CADPS2: variants seen among roughly 807,000 people sequenced by gnomAD.
The protein encoded by CADPS2 is calcium-dependent secretion activator 2.
In CADPS2, 93 loss-of-function variants were observed where a neutral mutation model predicts 172.5. The observed-to-expected ratio is 0.54, with a 90% confidence interval of 0.46 to 0.64. The LOEUF is 0.64. Among genes scored for constraint, CADPS2 ranks in the 30% least tolerant of loss-of-function variants. The pLI is 0.00. For missense variants in CADPS2, 1,420 were observed against 1,565.9 expected (o/e 0.91, Z 1.57); for synonymous variants, 546 against 555.2 (o/e 0.98, Z 0.23).
chr7:122,458,556 T>C (rs1232474822), intron 14 of CADPS2, among the ~76,000 whole-genome samples: 3 of 152,206 alleles, frequency 2.0e-5, no homozygotes, highest in African/African-American at 7.2e-5. Context: ...TGAAATATGT[T>C]CTTATCTTTT....
At chr7:122,789,921 C>T (rs896486990) in intron 1 of CADPS2, among the ~76,000 whole-genome samples, 1 of 151,926 alleles carries the variant, frequency 6.6e-6, no homozygotes, top group African/African-American at 2.4e-5. Flanking sequence ...TAAAAATACC[C>T]CTCATCCATT....
At chr7:122,833,996 T>A (rs1165865780) in intron 1 of CADPS2, among the ~76,000 whole-genome samples, 2 of 152,174 alleles carry the variant, frequency 1.3e-5, no homozygotes, top group East Asian at 3.9e-4. Flanking sequence ...TTGAGCTGGT[T>A]CTTAAGCAAG....
intron 1 of CADPS2, among the ~76,000 whole-genome samples, chr7:122,758,155 T>C (rs775525231): frequency 6.6e-6 from 1 of 152,352 alleles, no homozygotes. Context: ...GTTATTAATA[T>C]ACATGTATTA....
chr7:122,328,641 TTTC>T (rs1337853578), intron 28 of CADPS2: 3 of 152,278 alleles, frequency 2.0e-5, no homozygotes, highest in Admixed American at 6.5e-5. Context: ...AATATGTTTT[TTTC>T]TTCTTTTTGT....
chr7:122,681,800 A>C, intron 2 of CADPS2: 1 of 480,068 alleles, frequency 2.1e-6, no homozygotes, highest in Non-Finnish European at 3.5e-6. Context: ...TAAAAATAAA[A>C]CCCTTAGACC....
Position 122,750,607 on chromosome 7 carries a change from A to G in CADPS2, c.340-13539T>C, listed in dbSNP as rs1226260768. 2.6e-5 allele frequency among the ~76,000 whole-genome samples: 4 copies of G among 152,180 alleles called. No individual in the cohort carries two copies. In the East Asian group the frequency reaches 5.8e-4, roughly 22 times the overall value. On this transcript the variant is annotated intron_variant, in intron 1 of 29. Transcript: ENST00000449022. The stretch of plus-strand genomic sequence containing the variant: ...AAAGCAGCTCAAAGGAAATTTCCAC[A>G]GCAGAACTTGACATCCTGTGCAATA...
chr7:122,839,229 T>G (rs1006408303), intron 1 of CADPS2, among the ~76,000 whole-genome samples: 1 of 152,216 alleles, frequency 6.6e-6, no homozygotes, highest in Non-Finnish European at 1.5e-5. Flanking sequence ...TAGCCTTATG[T>G]AGACAGCTGA....
intron 20 of CADPS2, among the ~76,000 whole-genome samples, chr7:122,403,395 A>G (rs2046205504): frequency 6.6e-6 from 1 of 152,206 alleles, no homozygotes; most frequent in African/African-American, 2.4e-5. Flanking sequence ...TAAAATCTGC[A>G]AATCACCATA....
intron 20 of CADPS2, 40 bp from the exon 21 acceptor site, chr7:122,393,622 A>G (rs2151497176): frequency 6.2e-7 from 1 of 1,609,724 alleles, no homozygotes; most frequent in East Asian, 2.2e-5. Flanking sequence ...TCAGAGGGAT[A>G]ATATCAGACA....
At chr7:122,790,028 G>GTTTTTTT (rs747647291) in intron 1 of CADPS2, among the ~76,000 whole-genome samples, 1 of 126,670 alleles carries the variant, frequency 7.9e-6, no homozygotes, top group Non-Finnish European at 1.7e-5. Context: ...AATATTAAGT[G>GTTTTTTT]TTTTTTTTTT....
chr7:122,351,278 C>T (rs2038540518), intron 27 of CADPS2, among the ~76,000 whole-genome samples: 1 of 144,394 alleles, frequency 6.9e-6, no homozygotes, highest in East Asian at 2.2e-4. Context: ...GAGGCTGAGG[C>T]AGGACAACAG....
At chr7:122,680,832 A>T (rs1196768587) in intron 2 of CADPS2, among the ~76,000 whole-genome samples, 1 of 152,178 alleles carries the variant, frequency 6.6e-6, no homozygotes, top group Non-Finnish European at 1.5e-5. Flanking sequence ...AGGCACACGT[A>T]TGTTTATTGC....
intron 2 of CADPS2, among the ~76,000 whole-genome samples, chr7:122,696,453 G>A (rs994665488): frequency 1.3e-5 from 2 of 152,120 alleles, no homozygotes; most frequent in African/African-American, 4.8e-5. Context: ...AGTTTTTGCC[G>A]ATTCTTCCTG....
At chr7:122,670,997 C>T (rs946950814) in intron 2 of CADPS2, among the ~76,000 whole-genome samples, 1 of 152,054 alleles carries the variant, frequency 6.6e-6, no homozygotes, top group African/African-American at 2.4e-5. Context: ...TCACCATCCC[C>T]TAATTATCTC....
chr7:122,348,751 T>C (rs1180167805), intron 27 of CADPS2, among the ~76,000 whole-genome samples: 1 of 152,130 alleles, frequency 6.6e-6, no homozygotes, highest in African/African-American at 2.4e-5. Flanking sequence ...CAAGTAAGAG[T>C]AACTGCAACA....
chr7:122,558,465 T>C (rs1466788967), intron 7 of CADPS2, among the ~76,000 whole-genome samples: 3 of 152,180 alleles, frequency 2.0e-5, no homozygotes, highest in Non-Finnish European at 4.4e-5. Context: ...TCATTTATTT[T>C]TGTCACCAAC....
At chr7:122,537,260 G>A (rs1330469006) in intron 8 of CADPS2, among the ~76,000 whole-genome samples, 1 of 150,776 alleles carries the variant, frequency 6.6e-6, no homozygotes, top group Non-Finnish European at 1.5e-5. Flanking sequence ...GTTTAGATAA[G>A]TATCTATGAA....
chr7:122,879,966 A>T (rs1316957111), intron 1 of CADPS2, among the ~76,000 whole-genome samples: 1 of 152,192 alleles, frequency 6.6e-6, no homozygotes, highest in African/African-American at 2.4e-5. Context: ...TTAATTAATA[A>T]ACAAGTCATT....
chr7:122,342,052 C>T (rs702418), intron 28 of CADPS2, among the ~76,000 whole-genome samples: 54,960 of 151,836 alleles, frequency 0.36, 10,248 homozygotes, highest in East Asian at 0.51. Flanking sequence ...CTTTTGTGAC[C>T]CTCAAAGGAT....
Sources: allele counts gnomAD v4.1 joint callset (sites outside exome capture counted in the v4.1 genomes callset), GRCh38; gene constraint gnomAD v4.1.1; transcripts MANE v1.5; gene names NCBI Gene and HGNC (gene_info 2026-07-23, HGNC 2026-07-21).